DSCAM: variants seen among roughly 807,000 people sequenced by gnomAD.
DSCAM encodes cell adhesion molecule DSCAM.
Under a neutral mutation model 217.7 loss-of-function variants are expected in DSCAM, and 47 were observed. The ratio of observed to expected loss-of-function variants is 0.22; its 90% CI spans 0.17 to 0.28. The LOEUF is 0.28. DSCAM is among the 10% of genes least tolerant of loss of function. DSCAM has a pLI of 1.00. For synonymous variants in DSCAM, 1,056 were observed against 1,015.3 expected, an observed-to-expected ratio of 1.04 and a Z score of -0.76; for missense variants, 2,080 against 2,618.3, an observed-to-expected ratio of 0.79 and a Z score of 4.49.
At chr21:40,730,781 CA>C (rs1484508956) in intron 1 of DSCAM, among the ~76,000 whole-genome samples, 4 of 152,178 alleles carry the variant, frequency 2.6e-5, no homozygotes, top group Non-Finnish European at 5.9e-5. Context: ...AGAGTATTTG[CA>C]TATTTTGGGG....
chr21:40,312,363 C>T lies in DSCAM; in HGVS notation c.1784-4G>A. The T allele has an allele frequency of 6.2e-7, 1 of 1,610,442 alleles. No individual in the cohort carries two copies. The highest frequency in any genetic ancestry group is 8.5e-7 in the Non-Finnish European group (1 of 1,178,264). On this transcript the variant is annotated splice_region_variant and splice_polypyrimidine_tract_variant and intron_variant, in intron 8 of 32. Transcript: ENST00000400454. Reference sequence around the variant, plus strand: ...AAGGGTTGTATGAAAGGCGGAACTGCAAGAAAAAAGAAAGATAATAACGAA... The same window carrying T: ...AAGGGTTGTATGAAAGGCGGAACTGTAAGAAAAAAGAAAGATAATAACGAA...
At chr21:40,758,755 G>T (rs866979943) in intron 1 of DSCAM, among the ~76,000 whole-genome samples, 30 of 151,990 alleles carry the variant, frequency 2.0e-4, no homozygotes, top group African/African-American at 7.2e-4. Flanking sequence ...GCTCCTAAAA[G>T]GGCCTCTAGC....
Position 40,106,089 on chromosome 21 carries a change from C to T in DSCAM, c.3697-12215G>A, listed in dbSNP as rs146024385. On this transcript the variant is annotated intron_variant, in intron 20 of 32. Coordinates refer to ENST00000400454, the MANE Select transcript of DSCAM (RefSeq NM_001389.5). ...CACATGGCTGGGGAGGCTTTAAAAT[C>T]ATGGCAGAAGGCGAAGGAGGAGCAA... Among the ~76,000 whole-genome samples the T allele has an allele frequency of 4.0e-3, 603 of 152,262 alleles. 8 individuals carry two copies. Among genetic ancestry groups the T allele is most frequent in the South Asian group, 0.021 (101 of 4,826 alleles).
intron 19 of DSCAM, among the ~76,000 whole-genome samples, chr21:40,130,678 T>G (rs2090145985): frequency 6.6e-6 from 1 of 152,026 alleles, no homozygotes. Flanking sequence ...ACCACAGACA[T>G]GAGAATGTGT....
At chr21:40,398,041 G>A (rs879673011) in intron 3 of DSCAM, among the ~76,000 whole-genome samples, 3 of 152,174 alleles carry the variant, frequency 2.0e-5, no homozygotes, top group Admixed American at 6.5e-5. Context: ...GAGTAAGCTT[G>A]TAGTTTAGGA....
chr21:40,238,572 GCT>G (rs2073108283), intron 11 of DSCAM, among the ~76,000 whole-genome samples: 1 of 152,172 alleles, frequency 6.6e-6, no homozygotes, highest in African/African-American at 2.4e-5. Context: ...ACAACCAAGC[GCT>G]CTGAGTGGAA....
chr21:40,761,037 T>C (rs2091328269), intron 1 of DSCAM, among the ~76,000 whole-genome samples: 1 of 152,190 alleles, frequency 6.6e-6, no homozygotes, highest in Non-Finnish European at 1.5e-5. Context: ...CAACAGTCAT[T>C]GTTGAATTTC....
chr21:40,702,361 T>C (rs1338755495), intron 2 of DSCAM, among the ~76,000 whole-genome samples: 4 of 152,226 alleles, frequency 2.6e-5, no homozygotes, highest in Non-Finnish European at 4.4e-5. Flanking sequence ...TGTATCACAC[T>C]AATGCAAGAT....
chr21:40,670,487 G>A (rs1325865180), intron 3 of DSCAM, among the ~76,000 whole-genome samples: 7 of 147,642 alleles, frequency 4.7e-5, no homozygotes, highest in Non-Finnish European at 8.9e-5. Context: ...GCAGTGAGCC[G>A]AGATCGCGCC....
intron 3 of DSCAM, among the ~76,000 whole-genome samples, chr21:40,606,213 A>G (rs193051048): frequency 1.2e-4 from 18 of 152,346 alleles, no homozygotes; most frequent in African/African-American, 4.1e-4. Context: ...CTGAATTATA[A>G]TAAAGAGACA....
chr21:40,587,696 T>A (rs1482352464), intron 3 of DSCAM, among the ~76,000 whole-genome samples: 1 of 152,210 alleles, frequency 6.6e-6, no homozygotes, highest in East Asian at 1.9e-4. Context: ...ATAAAATATA[T>A]TGTAAAGGTC....
chr21:40,631,482 G>C (rs2089690880), intron 3 of DSCAM, among the ~76,000 whole-genome samples: 1 of 152,180 alleles, frequency 6.6e-6, no homozygotes, highest in South Asian at 2.1e-4. Flanking sequence ...GCTTGCATGG[G>C]TGATTCACCG....
At chr21:40,337,980 G>A (rs2074445454) in intron 8 of DSCAM, 121 bp downstream of exon 8, 1 of 1,239,588 alleles carries the variant, frequency 8.1e-7, no homozygotes, top group South Asian at 1.4e-5. Context: ...TCATTCTTCA[G>A]CCTGTACAAT....
At chr21:40,077,978 C>T (rs955282125) in intron 26 of DSCAM, among the ~76,000 whole-genome samples, 2 of 152,236 alleles carry the variant, frequency 1.3e-5, no homozygotes, top group Non-Finnish European at 2.9e-5. Flanking sequence ...TACTAAGTTG[C>T]AGTCGAGGAC....
chr21:40,381,538 T>C (rs1173557690), intron 3 of DSCAM, among the ~76,000 whole-genome samples: 4 of 152,210 alleles, frequency 2.6e-5, no homozygotes. Flanking sequence ...AGCACGGCAC[T>C]TCAACCCACA....
chr21:40,712,418 G>A (rs997294120), intron 1 of DSCAM, among the ~76,000 whole-genome samples: 1 of 140,388 alleles, frequency 7.1e-6, no homozygotes, highest in Non-Finnish European at 1.5e-5. Flanking sequence ...AGCCGAGATT[G>A]CGCCACTGCA....
At chr21:40,637,608 T>TATATAC (rs1568955204) in intron 3 of DSCAM, among the ~76,000 whole-genome samples, 1,476 of 49,230 alleles carry the variant, frequency 0.03, 60 homozygotes, top group East Asian at 0.042. Context: ...TATATATAAA[T>TATATAC]ATATATAAAT....
At chr21:40,602,233 T>G (rs1395130556) in intron 3 of DSCAM, among the ~76,000 whole-genome samples, 2 of 151,964 alleles carry the variant, frequency 1.3e-5, no homozygotes, top group African/African-American at 4.8e-5. Flanking sequence ...GATAATTATT[T>G]GTATTTTTTG....
intron 32 of DSCAM, among the ~76,000 whole-genome samples, chr21:40,039,561 T>C (rs2088704242): frequency 2.0e-5 from 3 of 152,168 alleles, no homozygotes; most frequent in Non-Finnish European, 2.9e-5. Context: ...ACAGGAGATA[T>C]ATATATTTAT....
Sources: allele counts gnomAD v4.1 joint callset (sites outside exome capture counted in the v4.1 genomes callset), GRCh38; gene constraint gnomAD v4.1.1; transcripts MANE v1.5; gene names NCBI Gene and HGNC (gene_info 2026-07-23, HGNC 2026-07-21).